The following PLXNB2 variants were observed in gnomAD, a reference collection of about 807,000 sequenced individuals.
The protein encoded by PLXNB2 is plexin-B2.
PLXNB2 carries 85 observed loss-of-function variants against 202.6 expected under a neutral mutation model. That is an observed-to-expected ratio of 0.42 (90% confidence interval 0.35 to 0.50). The LOEUF is 0.50. Among genes scored for constraint, PLXNB2 ranks in the 20% least tolerant of loss-of-function variants. PLXNB2 has a pLI of 0.02. For missense variants in PLXNB2, 2,063 were observed against 2,586.2 expected, an observed-to-expected ratio of 0.80 and a Z score of 4.39; for synonymous variants, 1,239 against 1,137.6, an observed-to-expected ratio of 1.09 and a Z score of -1.79.
chr22:50,278,804 A>G, intron 28 of PLXNB2, 51 bp downstream of exon 28: 1 of 1,598,686 alleles, frequency 6.3e-7, no homozygotes, highest in Non-Finnish European at 8.5e-7. Flanking sequence ...CCCAGGACAC[A>G]GGCCAGGCAC....
Position 50,280,935 on chromosome 22 carries a change from G to A in PLXNB2, c.3802C>T (p.His1268Tyr), listed in dbSNP as rs952926750. The A allele has an allele frequency of 6.2e-7, 1 of 1,613,384 alleles. No individual in the cohort carries two copies. Among genetic ancestry groups the A allele is most frequent in the Non-Finnish European group, 8.5e-7 (1 of 1,179,966 alleles). Residue 1268 changes from histidine to tyrosine, a missense_variant, in exon 24 of 37, where the codon CAC becomes TAC. This residue lies in a region of PLXNB2 where 760 missense variants were observed against 1,109.4 expected (regional missense o/e 0.69). Coordinates refer to ENST00000359337, the MANE Select transcript of PLXNB2 (RefSeq NM_012401.4). ...IEMEDQTNDV[H>Y]EAGIPVLDYK... ...TCCAGCACGGGGATGCCGGCCTCGT[G>A]CACGTCGTTGGTCTGGTCCTCCATC...
chr22:50,307,588 G>A lies in PLXNB2; in HGVS notation c.-109C>T, dbSNP rs2067938919. The A allele has an allele frequency of 2.0e-6, 2 of 981,482 alleles. No homozygotes were observed. Among genetic ancestry groups the A allele is most frequent in the African/African-American group, 3.5e-5 (2 of 56,342 alleles). 60.8% of individuals were successfully genotyped at this position (981,482 alleles called of 1,614,324 possible). On this transcript the variant is annotated 5_prime_UTR_variant, in exon 1 of 37. Transcript: ENST00000359337. Reference sequence around the variant, plus strand: ...GCCGCCAAGGCTCGATGGCGCCCGGGCCGCGCTCGGCGCTGCGCTCTGGCC... The same window carrying A: ...GCCGCCAAGGCTCGATGGCGCCCGGACCGCGCTCGGCGCTGCGCTCTGGCC...
At position 50,275,524 on chromosome 22, in the gene PLXNB2, T is replaced by C; in HGVS notation, c.*180A>G. 1.5e-6 allele frequency: 1 copy of C among 666,986 alleles called. No individual in the cohort carries two copies. Among genetic ancestry groups the C allele is most frequent in the Non-Finnish European group, 2.8e-6 (1 of 362,050 alleles). The allele number at this position is 666,986 out of a possible 1,614,324, so 41.3% of individuals were successfully genotyped here. On this transcript the variant is annotated 3_prime_UTR_variant, in exon 37 of 37. Coordinates refer to ENST00000359337, the MANE Select transcript of PLXNB2 (RefSeq NM_012401.4). ...GGTGCTGGTGCGGTGCCCGGCGGTA[T>C]TGCTCAGAGGAAGATGCTACAGTCT... is the stretch of plus-strand genomic sequence containing the variant.
chr22:50,286,194 A>G lies in PLXNB2; in HGVS notation c.1856T>C (p.Met619Thr). Residue 619 changes from methionine (M) to threonine (T), a missense_variant, in exon 9 of 37, where the codon ATG becomes ACG. Transcript: ENST00000359337. ...QYPFYDCRQA[M>T]SLEENLPCIS... ...TCACGGCAGGTTCTCCTCCAGGCTC[A>G]TGGCCTGGCGGCAGTCGTAGAAGGG... The G allele has an allele frequency of 6.2e-7, 1 of 1,612,510 alleles. No homozygotes were observed. The highest frequency in any genetic ancestry group is 8.5e-7 in the Non-Finnish European group (1 of 1,179,278).
rs533435665 is a variant in PLXNB2 at position 50,283,394 on chromosome 22, C to T, written c.2622G>A (p.Glu874=). ...AAETPFTGGV[E]VDVFGKLGRS... is the part of the protein sequence containing the mutation. ...GGCCCAGTTTCCCGAAGACGTCCAC[C>T]TCGACACCCCCCGTGAAAGGCGTCT... is the stretch of plus-strand genomic sequence containing the variant. Residue 874 remains glutamate (E), a synonymous_variant, in exon 16 of 37, where the codon GAG becomes GAA. Coordinates refer to ENST00000359337, the MANE Select transcript of PLXNB2 (RefSeq NM_012401.4). The T allele has an allele frequency of 6.2e-7, 1 of 1,613,254 alleles. No individual in the cohort carries two copies. The highest frequency in any genetic ancestry group is 1.3e-5 in the African/African-American group (1 of 75,018).
In PLXNB2 at chr22:50,284,509, G is replaced by GTC; in HGVS notation, c.2181+63_2181+64insGA. ...CCCCTCCCCTCACAGTCCTGAAGGT[G>GTC]ACCCCCCACCCCACCCGGGGCCCTG... On this transcript the variant is annotated intron_variant, in intron 12 of 36. Transcript: ENST00000359337. The surrounding 1 kb of genome is among the most constrained non-coding windows in gnomAD (Gnocchi z 8.0). The GTC allele has an allele frequency of 8.0e-7, 1 of 1,243,848 alleles. No homozygotes were observed. The allele number at this position is 1,243,848 out of a possible 1,614,324, so 77.1% of individuals were successfully genotyped here. A position where few individuals can be genotyped will look rare whatever the true frequency, so the allele number is the denominator to read the frequency against.
Position 50,287,125 on chromosome 22 carries a change from G to A in PLXNB2, c.1748C>T (p.Thr583Ile). The change falls in exon 8 of 37, where the codon ACA becomes ATA. Residue 583 changes from threonine to isoleucine, a missense_variant. Physicochemically the swap from Thr to Ile is moderately conservative, Grantham distance 89. Around this residue, in one of 2 missense-constraint regions of PLXNB2, gnomAD observed 1,303 missense variants for 1,476.8 expected, o/e 0.88. Coordinates refer to ENST00000359337, the MANE Select transcript of PLXNB2 (RefSeq NM_012401.4). ...AGGGGCCTCACCCTGGCCTGGCGGTGTGACGGGGATGCTGCTTGGGGAGTT... is the reference window on the plus strand; with the variant it reads ...AGGGGCCTCACCCTGGCCTGGCGGTATGACGGGGATGCTGCTTGGGGAGTT... ...ICNSPSSIPV[T>I]PPGQDHVAVT... 1 of 1,526,918 alleles carries A rather than the reference G, an allele frequency of 6.5e-7. No individual in the cohort carries two copies. Among genetic ancestry groups the A allele is most frequent in the African/African-American group, 1.4e-5 (1 of 72,426 alleles). 94.6% of individuals were successfully genotyped at this position (1,526,918 alleles called of 1,614,324 possible). A position where few individuals can be genotyped will look rare whatever the true frequency, so the allele number is the denominator to read the frequency against.
At position 50,288,852 on chromosome 22, in the gene PLXNB2, C is replaced by T. The variant is rs544468493; in HGVS notation, c.1271G>A (p.Gly424Asp). Residue 424 changes from glycine (G) to aspartate (D), a missense_variant, in exon 5 of 37, where the codon GGC (glycine) becomes GAC (aspartate). By Grantham distance (94) the Gly-to-Asp change is moderately conservative (BLOSUM62 -1). Around this residue, in one of 2 missense-constraint regions of PLXNB2, gnomAD observed 1,303 missense variants for 1,476.8 expected, o/e 0.88. Transcript: ENST00000359337. The surrounding 1 kb of genome is among the most constrained non-coding windows in gnomAD (Gnocchi z 5.0). The stretch of plus-strand genomic sequence containing the variant: ...GATAGAGTCGTACTCTGAGGAGGTG[C>T]CATCTGGGGTGAGGTACACCTGTGT... ...RILKVYLTPD[G>D]TSSEYDSILV... The T allele has an allele frequency of 2.5e-6, 4 of 1,613,428 alleles. No individual in the cohort carries two copies. Among genetic ancestry groups the T allele is most frequent in the Admixed American group, 1.7e-5 (1 of 60,018 alleles).
Position 50,297,167 on chromosome 22 carries a change from G to A in PLXNB2, c.-73-2389C>T, listed in dbSNP as rs1486208907. On this transcript the variant is annotated intron_variant, in intron 1 of 36. Transcript: ENST00000359337. The surrounding 1 kb of genome is among the most constrained non-coding windows in gnomAD (Gnocchi z 5.3). ...TCCCGACGGAGGTGGCAGCCATGGCGGTGGCACGGTACCCCCAGACCTGCC... is the reference window on the plus strand; with the variant it reads ...TCCCGACGGAGGTGGCAGCCATGGCAGTGGCACGGTACCCCCAGACCTGCC... 5.3e-5 allele frequency among the ~76,000 whole-genome samples: 8 copies of A among 152,260 alleles called. No individual in the cohort carries two copies. The highest frequency in any genetic ancestry group is 2.6e-4 in the Admixed American group (4 of 15,308).
In PLXNB2 at chr22:50,288,779, T is replaced by C. The variant is rs1601724578; in HGVS notation, c.1344A>G (p.Gly448=). 1.2e-6 allele frequency: 2 copies of C among 1,612,928 alleles called. No homozygotes were observed. The highest frequency in any genetic ancestry group is 4.5e-5 in the East Asian group (2 of 44,888). The change falls in exon 5 of 37, where the codon GGA becomes GGG. Residue 448 remains glycine, a synonymous_variant. Coordinates refer to ENST00000359337, the MANE Select transcript of PLXNB2 (RefSeq NM_012401.4). This position sits in a 1 kb window ranked among gnomAD's most constrained non-coding sequence, Gnocchi z 5.0. ...KRVKRDLVLS[G]DLGSLYAMTQ... ...TCATGGCGTACAGGCTGCCCAGGTCTCCAGACAGTACCAGGTCGCGCTTGA... is the reference window on the plus strand; with the variant it reads ...TCATGGCGTACAGGCTGCCCAGGTCCCCAGACAGTACCAGGTCGCGCTTGA...
At position 50,282,058 on chromosome 22, in the gene PLXNB2, G is replaced by A. The variant is rs778379741; in HGVS notation, c.3141C>T (p.Phe1047=). ...PMTVVGTDYV[F]HNDTKVVFLS... is the part of the protein sequence containing the mutation. ...GGAAGACGACCTTGGTGTCATTGTGGAACACGTAGTCTGTACCCACCACCT... is the reference window on the plus strand; with the variant it reads ...GGAAGACGACCTTGGTGTCATTGTGAAACACGTAGTCTGTACCCACCACCT... Residue 1047 remains phenylalanine (F), a synonymous_variant, in exon 20 of 37, where the codon TTC becomes TTT. Transcript: ENST00000359337. 4.2e-5 allele frequency: 68 copies of A among 1,611,990 alleles called. No individual in the cohort carries two copies. The South Asian group carries it at 5.9e-4, about 14-fold the overall frequency.
Position 50,291,517 on chromosome 22 carries a change from G to T in PLXNB2, c.-13-920C>A, listed in dbSNP as rs577907042. Among the ~76,000 whole-genome samples the T allele has an allele frequency of 3.6e-4, 55 of 152,066 alleles. No homozygotes were observed. Among genetic ancestry groups the T allele is most frequent in the Non-Finnish European group, 7.4e-4 (50 of 67,972 alleles). ...TGCTGAGGACCAGGCTGAGCTGAGG[G>T]TCTCCCAATAGGAGGAAGATCCAAG... On this transcript the variant is annotated intron_variant, in intron 2 of 36. Coordinates refer to ENST00000359337, the MANE Select transcript of PLXNB2 (RefSeq NM_012401.4). This position sits in a 1 kb window ranked among gnomAD's most constrained non-coding sequence, Gnocchi z 4.3.
intron 11 of PLXNB2, chr22:50,285,017 C>A: frequency 2.3e-6 from 1 of 436,686 alleles, no homozygotes; most frequent in Non-Finnish European, 4.6e-6. Flanking sequence ...CCTCCACTGC[C>A]TCTCTTCAGG....
In PLXNB2 at chr22:50,283,922, T is replaced by G; in HGVS notation, c.2332A>C (p.Arg778=). 1.9e-6 allele frequency: 3 copies of G among 1,573,984 alleles called. No homozygotes were observed. The highest frequency in any genetic ancestry group is 2.6e-6 in the Non-Finnish European group (3 of 1,160,958). ...SLCRAANPDY[R]CAWCGGQSRC... is the part of the protein sequence containing the mutation. ...CTCTGGCCCCCGCACCACGCACACCTGTAGTCGGGGTTAGCGGCCCGGCAC... is the reference window on the plus strand; with the variant it reads ...CTCTGGCCCCCGCACCACGCACACCGGTAGTCGGGGTTAGCGGCCCGGCAC... The change falls in exon 14 of 37, where the codon AGG becomes CGG. Residue 778 remains arginine (R), a synonymous_variant. Transcript: ENST00000359337.
chr22:50,302,551 C>A (rs2067746694), intron 1 of PLXNB2, among the ~76,000 whole-genome samples: 1 of 152,134 alleles, frequency 6.6e-6, no homozygotes, highest in Non-Finnish European at 1.5e-5. Flanking sequence ...TTTGCTGGGC[C>A]TGGGCGGCCT....
rs1344494447 is a variant in PLXNB2, at chr22:50,288,576, G to T, written c.1380+167C>A. On this transcript the variant is annotated intron_variant, in intron 5 of 36. Coordinates refer to ENST00000359337, the MANE Select transcript of PLXNB2 (RefSeq NM_012401.4). The surrounding 1 kb of genome is among the most constrained non-coding windows in gnomAD (Gnocchi z 5.0). ...CAGTGCTAGAGAGACACAGGATGGA[G>T]GCACTGCCCGGGACCCACCCAGCCA... Among the ~76,000 whole-genome samples the T allele has an allele frequency of 6.6e-6, 1 of 152,128 alleles. No homozygotes were observed. Among genetic ancestry groups the T allele is most frequent in the Non-Finnish European group, 1.5e-5 (1 of 68,016 alleles).
rs774393088 is a variant in PLXNB2, at chr22:50,289,486, G to C, written c.1068+31C>G. 11 of 1,564,454 alleles carry C rather than the reference G, an allele frequency of 7.0e-6. No individual in the cohort carries two copies. Among genetic ancestry groups the C allele is most frequent in the Non-Finnish European group, 9.5e-6 (11 of 1,152,988 alleles). On this transcript the variant is annotated intron_variant, in intron 3 of 36. Transcript: ENST00000359337. The surrounding 1 kb of genome is among the most constrained non-coding windows in gnomAD (Gnocchi z 8.0). ...ACCCACGAACGGACGCCTGCAGTCC[G>C]GGCCCTGCGAGAACACACTGAGGCC...
chr22:50,279,937 A>G (rs2065871880), intron 26 of PLXNB2, 68 bp downstream of exon 26: 3 of 1,428,068 alleles, frequency 2.1e-6, no homozygotes, highest in East Asian at 4.6e-5. Context: ...CAGATAGGGG[A>G]ACGCAGGAGG....
At chr22:50,298,984 A>G (rs1342945894) in intron 1 of PLXNB2, among the ~76,000 whole-genome samples, 1 of 152,246 alleles carries the variant, frequency 6.6e-6, no homozygotes, top group East Asian at 1.9e-4. Context: ...AACCAGCACA[A>G]AGCAGTCAGG....
Sources: gnomAD v4.1 joint callset for allele counts (sites outside exome capture counted in the v4.1 genomes callset) on GRCh38, gnomAD v4.1.1 for gene constraint, gnomAD v4.1.1 regional missense constraint, Gnocchi (gnomAD v3.1) non-coding constraint, MANE v1.5 for transcripts, NCBI Gene and HGNC (gene_info 2026-07-23, HGNC 2026-07-21) for gene names.